SEMA4F: variants seen among roughly 807,000 people sequenced by gnomAD.
The protein encoded by SEMA4F is semaphorin-4F.
SEMA4F carries 51 observed loss-of-function variants against 78.4 expected under a neutral mutation model. The ratio of observed to expected loss-of-function variants is 0.65; its 90% CI spans 0.52 to 0.82. The LOEUF (loss-of-function observed/expected upper bound fraction) is 0.82. Ranked by LOEUF, SEMA4F falls within the 40% of genes least tolerant of loss-of-function variation. The pLI is 0.00. For synonymous variants in SEMA4F, 418 were observed against 408.7 expected (o/e 1.02, Z -0.27); for missense variants, 938 against 1,014.4 (o/e 0.92, Z 1.02).
At chr2:74,699,986 G>A in the SEMA4F span, among the ~76,000 whole-genome samples, 5 of 152,052 alleles carry the variant, frequency 3.3e-5, no homozygotes, top group Admixed American at 6.5e-5. Context: ...GGAGAGACCC[G>A]AGCTTGTTTC....
intron 4 of SEMA4F, among the ~76,000 whole-genome samples, chr2:74,660,789 A>G (rs1035354241): frequency 2.6e-5 from 4 of 152,256 alleles, no homozygotes; most frequent in Non-Finnish European, 4.4e-5. Context: ...TAGTTTCAAC[A>G]TATTGAGTTT....
At chr2:74,691,198 A>G in the SEMA4F span, among the ~76,000 whole-genome samples, 1 of 152,188 alleles carries the variant, frequency 6.6e-6, no homozygotes, top group Non-Finnish European at 1.5e-5. Context: ...AAATATATGA[A>G]TATATATTTA....
At chr2:74,669,799 CATAATT>C (rs1329671147) in intron 5 of SEMA4F, among the ~76,000 whole-genome samples, 1 of 152,060 alleles carries the variant, frequency 6.6e-6, no homozygotes, top group Non-Finnish European at 1.5e-5. Context: ...TATTTTTACT[CATAATT>C]ATGATTTTTC....
In SEMA4F at chr2:74,654,399, C is replaced by T. The variant is rs1684001583; in HGVS notation, c.23C>T (p.Pro8Leu). ...AAGATGCCGGCCTCTGCTGCGCGGCCCCGCCCGGGTCCCGGGCAGCCTACA... is the reference window on the plus strand; with the variant it reads ...AAGATGCCGGCCTCTGCTGCGCGGCTCCGCCCGGGTCCCGGGCAGCCTACA... MPASAARPRPGPGQPTAS... is the reference protein window; with the variant it reads MPASAARLRPGPGQPTAS... Residue 8 changes from proline (P) to leucine (L), a missense_variant, in exon 1 of 14, where the codon CCC becomes CTC. Pro to Leu is a moderately conservative substitution (Grantham distance 98, BLOSUM62 -3). Coordinates refer to ENST00000357877, the MANE Select transcript of SEMA4F (RefSeq NM_004263.5). The T allele has an allele frequency of 6.6e-7, 1 of 1,526,430 alleles. No homozygotes were observed. Among genetic ancestry groups the T allele is most frequent in the Non-Finnish European group, 8.7e-7 (1 of 1,144,952 alleles). The allele number at this position is 1,526,430 out of a possible 1,614,324, so 94.6% of individuals were successfully genotyped here.
intron 4 of SEMA4F, among the ~76,000 whole-genome samples, 183 bp from the exon 5 acceptor site, chr2:74,662,549 A>G (rs1684480761): frequency 6.6e-6 from 1 of 152,168 alleles, no homozygotes; most frequent in Non-Finnish European, 1.5e-5. Context: ...GAGATGAGAA[A>G]TGCAGGAGTA....
the SEMA4F span, among the ~76,000 whole-genome samples, chr2:74,690,784 G>T: frequency 6.6e-6 from 1 of 152,114 alleles, no homozygotes; most frequent in African/African-American, 2.4e-5. Flanking sequence ...TTTTCCCCAA[G>T]AATAGCCTGT....
downstream of SEMA4F, among the ~76,000 whole-genome samples, chr2:74,686,240 C>CGT: frequency 6.6e-6 from 1 of 152,214 alleles, no homozygotes; most frequent in Admixed American, 6.5e-5. Flanking sequence ...GCTGGGACTA[C>CGT]AGGCGCCTAC....
In SEMA4F at chr2:74,680,189, T is replaced by A. The variant is rs954381707; in HGVS notation, c.2293T>A (p.Cys765Ser). Reference sequence around the variant, plus strand: ...GCTAACTGGGGCTCCTCTAGCCACATGTGATGAAACATCCATCTAGAGCTG... The same window carrying A: ...GCTAACTGGGGCTCCTCTAGCCACAAGTGATGAAACATCCATCTAGAGCTG... ...IRLTGAPLAT[C>S]DETSI Residue 765 changes from cysteine to serine, a missense_variant, in exon 14 of 14, where the codon TGT becomes AGT. Physicochemically the swap from Cys to Ser is moderately radical, Grantham distance 112 (BLOSUM62 -1). Coordinates refer to ENST00000357877, the MANE Select transcript of SEMA4F (RefSeq NM_004263.5). 2 of 1,580,754 alleles carry A rather than the reference T, an allele frequency of 1.3e-6. No individual in the cohort carries two copies. The highest frequency in any genetic ancestry group is 1.7e-6 in the Non-Finnish European group (2 of 1,158,688).
downstream of SEMA4F, among the ~76,000 whole-genome samples, chr2:74,686,597 T>C (rs1355301443): frequency 1.3e-5 from 2 of 152,246 alleles, no homozygotes; most frequent in East Asian, 3.8e-4. Context: ...ATTGTGGCAC[T>C]ATTCACAATA....
In SEMA4F at chr2:74,657,942, C is replaced by T. The variant is rs138347392; in HGVS notation, c.447C>T (p.Cys149=). 1.0e-4 allele frequency: 165 copies of T among 1,613,748 alleles called. No homozygotes were observed. Among genetic ancestry groups the T allele is most frequent in the Non-Finnish European group, 1.3e-4 (154 of 1,179,778 alleles). The change falls in exon 4 of 14, where the codon TGC becomes TGT. Residue 149 remains cysteine (C), a synonymous_variant. Coordinates refer to ENST00000357877, the MANE Select transcript of SEMA4F (RefSeq NM_004263.5). ...TCGTFAFDPK[C]GVIDVSRFQQ... is the part of the protein sequence containing the mutation. Reference sequence around the variant, plus strand: ...GCACCTTCGCTTTTGATCCGAAGTGCGGGGTTATTGTGAGTGACGGTGTGG... The same window carrying T: ...GCACCTTCGCTTTTGATCCGAAGTGTGGGGTTATTGTGAGTGACGGTGTGG...
the SEMA4F span, among the ~76,000 whole-genome samples, chr2:74,703,145 C>T: frequency 2.1e-5 from 3 of 146,012 alleles, no homozygotes; most frequent in Non-Finnish European, 4.4e-5. Context: ...ATAAATAATA[C>T]TACGGGTTGG....
rs1323796871 is a variant in SEMA4F at position 74,681,583 on chromosome 2, C to T, written c.*1374C>T. 3 of 152,714 alleles carry T rather than the reference C, an allele frequency of 2.0e-5. No homozygotes were observed. Among genetic ancestry groups the T allele is most frequent in the Admixed American group, 2.0e-4 (3 of 15,286 alleles). The allele number at this position is 152,714 out of a possible 1,614,324, so 9.5% of individuals were successfully genotyped here. On this transcript the variant is annotated 3_prime_UTR_variant, in exon 14 of 14. Transcript: ENST00000357877. ...TTGAGTCTGACTGACTGTGGCCAGT[C>T]CCTGGACTGGTAGCTGCTGGAGGCC...
rs759478764 is a variant in SEMA4F at position 74,679,556 on chromosome 2, C to T, written c.1703-43C>T. 2.6e-6 allele frequency: 4 copies of T among 1,566,870 alleles called. No individual in the cohort carries two copies. In the East Asian group the frequency reaches 9.0e-5, roughly 35 times the overall value. ...ACACTTTTCTTCATCACACCTCCAG[C>T]CTTTAGCCTCACCTCCTTTTGTGCC... On this transcript the variant is annotated intron_variant, in intron 13 of 13. Coordinates refer to ENST00000357877, the MANE Select transcript of SEMA4F (RefSeq NM_004263.5).
intron 5 of SEMA4F, among the ~76,000 whole-genome samples, chr2:74,668,514 G>T (rs1389338926): frequency 2.0e-5 from 3 of 151,748 alleles, no homozygotes; most frequent in Non-Finnish European, 4.4e-5. Context: ...ATAAGGAAAA[G>T]ACTTTTTGAG....
rs1160931804 is a variant in SEMA4F, at chr2:74,673,560, G to C, written c.654G>C (p.Leu218Phe). ...RAEDWIRTDT[L>F]PSWLNAPAFV... ...AGGACTGGATTCGGACAGATACCTT[G>C]CCTTCCTGGCTGAACGGTGGGGAGA... is the stretch of plus-strand genomic sequence containing the variant. Residue 218 changes from leucine (L) to phenylalanine (F), a missense_variant, in exon 6 of 14, where the codon TTG becomes TTC. Coordinates refer to ENST00000357877, the MANE Select transcript of SEMA4F (RefSeq NM_004263.5). 1.2e-6 allele frequency: 2 copies of C among 1,614,152 alleles called. No homozygotes were observed. The highest frequency in any genetic ancestry group is 2.7e-5 in the African/African-American group (2 of 75,026).
intron 2 of SEMA4F, 84 bp from the exon 3 acceptor site, chr2:74,657,481 T>G: frequency 7.5e-7 from 1 of 1,338,474 alleles, no homozygotes; most frequent in Non-Finnish European, 1.1e-6. Flanking sequence ...TGATGGAGGT[T>G]ATAGAACAGT....
At chr2:74,688,022 G>C (rs988872773), downstream of SEMA4F, among the ~76,000 whole-genome samples, 2 of 152,154 alleles carry the variant, frequency 1.3e-5, no homozygotes, top group African/African-American at 4.8e-5. Context: ...TGTGGGCATT[G>C]AGCTAAACAT....
chr2:74,677,497 CCAGT>C (rs1258246838), intron 12 of SEMA4F, among the ~76,000 whole-genome samples: 2 of 152,144 alleles, frequency 1.3e-5, no homozygotes, highest in Non-Finnish European at 2.9e-5. Context: ...CATCAAATAT[CCAGT>C]CAGTGTTCTG....
the SEMA4F span, among the ~76,000 whole-genome samples, chr2:74,693,973 G>A: frequency 1.3e-5 from 2 of 152,124 alleles, no homozygotes; most frequent in South Asian, 2.1e-4. Flanking sequence ...TCTCAGAAAC[G>A]GGACTGCTGT....
Sources: gnomAD v4.1 joint callset for allele counts (sites outside exome capture counted in the v4.1 genomes callset) on GRCh38, gnomAD v4.1.1 for gene constraint, MANE v1.5 for transcripts, NCBI Gene and HGNC (gene_info 2026-07-23, HGNC 2026-07-21) for gene names.